Variants in CLCN7 observed in about 807,000 individuals in gnomAD.
The protein encoded by CLCN7 is Cl-/H+ antiporter 7.
CLCN7 carries 60 observed loss-of-function variants against 102.1 expected under a neutral mutation model. That is an observed-to-expected ratio of 0.59 (90% CI 0.48 to 0.73). The LOEUF is 0.73. Among genes scored for constraint, CLCN7 ranks in the 30% least tolerant of loss-of-function variants. CLCN7 has a pLI of 0.00. For synonymous variants in CLCN7, 560 were observed against 490.5 expected, an observed-to-expected ratio of 1.14 and a Z score of -1.87; for missense variants, 962 against 1,125.7, an observed-to-expected ratio of 0.85 and a Z score of 2.08.
rs956317489 is a variant in CLCN7, at chr16:1,448,756, T to C, written c.1808A>G (p.Asp603Gly). The change falls in exon 20 of 25, where the codon GAC becomes GGC. Residue 603 changes from aspartate (D) to glycine (G), a missense_variant. Asp to Gly is a moderately conservative substitution (Grantham distance 94). Coordinates refer to ENST00000382745, the MANE Select transcript of CLCN7 (RefSeq NM_001287.6). ...CACACTCTGCAGCTGAATGTGCATG[T>C]CGTACAGGCCCTGCGGGCGGGGCGG... ...VGDVFIEGLY[D>G]MHIQLQSVPF... is the part of the protein sequence containing the mutation. 3.1e-6 allele frequency: 5 copies of C among 1,612,048 alleles called. No homozygotes were observed. Among genetic ancestry groups the C allele is most frequent in the Non-Finnish European group, 4.2e-6 (5 of 1,179,918 alleles).
At chr16:1,460,569 C>T (rs1424912291) in intron 5 of CLCN7, 42 bp from the exon 6 acceptor site, 6 of 1,484,958 alleles carry the variant, frequency 4.0e-6, no homozygotes, top group Non-Finnish European at 5.6e-6. Context: ...CCCGTCATGA[C>T]CACCCAGCCC....
rs1462607637 is a variant in CLCN7 at position 1,460,402 on chromosome 16, G to A, written c.594+16C>T. On this transcript the variant is annotated intron_variant, in intron 6 of 24. Coordinates refer to ENST00000382745, the MANE Select transcript of CLCN7 (RefSeq NM_001287.6). ...CTTCATGGGGTCCGCCATAGCTGCG[G>A]CATCCTGCCACCCACCTCTATGAAA... 4.4e-6 allele frequency: 7 copies of A among 1,590,928 alleles called. No individual in the cohort carries two copies. The highest frequency in any genetic ancestry group is 3.3e-5 in the South Asian group (3 of 90,670).
chr16:1,454,623 C>G (rs940783861), intron 12 of CLCN7, among the ~76,000 whole-genome samples, 158 bp from the exon 13 acceptor site: 32 of 152,366 alleles, frequency 2.1e-4, no homozygotes, highest in African/African-American at 7.5e-4. Flanking sequence ...GAGAAACACA[C>G]TGGGTGTTCT....
At position 1,446,729 on chromosome 16, in the gene CLCN7, G is replaced by A. The variant is rs915518231; in HGVS notation, c.2332-12C>T. On this transcript the variant is annotated splice_polypyrimidine_tract_variant and intron_variant, in intron 24 of 24. Coordinates refer to ENST00000382745, the MANE Select transcript of CLCN7 (RefSeq NM_001287.6). ...ACCAACCCGACAACCTGCAGGACAA[G>A]TCCAGGCCACAGTGACACACGGGTC... 6.4e-7 allele frequency: 1 copy of A among 1,571,872 alleles called. No homozygotes were observed. The highest frequency in any genetic ancestry group is 8.6e-7 in the Non-Finnish European group (1 of 1,157,706).
intron 2 of CLCN7, among the ~76,000 whole-genome samples, chr16:1,463,370 C>T (rs1391183279): frequency 2.0e-5 from 3 of 152,130 alleles, no homozygotes; most frequent in African/African-American, 4.8e-5. Context: ...GTGTGATGCA[C>T]CTGTGGTCCC....
intron 2 of CLCN7, among the ~76,000 whole-genome samples, chr16:1,464,463 G>C (rs115265613): frequency 0.014 from 2,102 of 152,388 alleles, 54 homozygotes; most frequent in African/African-American, 0.047. Context: ...TGTGGCTCCA[G>C]AGGCAGCACA....
rs967426450 is a variant in CLCN7 at position 1,446,082 on chromosome 16, G to A, written c.*549C>T. On this transcript the variant is annotated 3_prime_UTR_variant, in exon 25 of 25. Coordinates refer to ENST00000382745, the MANE Select transcript of CLCN7 (RefSeq NM_001287.6). The stretch of plus-strand genomic sequence containing the variant: ...CGCCAGTGTGAAGCTGCTCTCCGGG[G>A]CGGTCGCAGCCTCCAAACCCTGGTG... The A allele has an allele frequency of 1.7e-6, 1 of 590,780 alleles. No individual in the cohort carries two copies. The highest frequency in any genetic ancestry group is 1.9e-5 in the African/African-American group (1 of 53,632). 36.6% of individuals were successfully genotyped at this position (590,780 alleles called of 1,614,324 possible).
chr16:1,461,634 T>C lies in CLCN7; in HGVS notation c.254A>G (p.His85Arg), dbSNP rs1307399643. The C allele has an allele frequency of 6.2e-7, 1 of 1,614,056 alleles. No individual in the cohort carries two copies. The highest frequency in any genetic ancestry group is 1.3e-5 in the African/African-American group (1 of 74,976). Reference protein sequence around the residue: ...PPHPFPKEIPHNEKLLSLKYE... With the variant: ...PPHPFPKEIPRNEKLLSLKYE... ...CTTGAGGGACAGGAGCTTCTCGTTG[T>C]GTGGGATCTCCTTGGGGAAGGGATG... The change falls in exon 3 of 25, where the codon CAC becomes CGC. Residue 85 changes from histidine to arginine, a missense_variant. His to Arg is a conservative substitution (Grantham distance 29). Transcript: ENST00000382745.
chr16:1,467,599 AT>A (rs1474123145), intron 1 of CLCN7: 1 of 152,332 alleles, frequency 6.6e-6, no homozygotes, highest in African/African-American at 2.4e-5. Context: ...AGGTGCCCCG[AT>A]GCCCCAAACA....
chr16:1,446,915 G>A (rs183525343), intron 24 of CLCN7, 91 bp downstream of exon 24: 47 of 1,282,850 alleles, frequency 3.7e-5, no homozygotes, highest in East Asian at 1.0e-4. Context: ...CTGTGCTTCC[G>A]TGTCCCCTGC....
intron 15 of CLCN7, 78 bp downstream of exon 15, chr16:1,452,677 C>G: frequency 6.7e-7 from 1 of 1,483,980 alleles, no homozygotes; most frequent in Non-Finnish European, 9.1e-7. Context: ...GCCCTCCTCC[C>G]GTAGCCTAAG....
rs972551439 is a variant in CLCN7 at position 1,470,468 on chromosome 16, C to T, written c.141+4366G>A. Among the ~76,000 whole-genome samples, 11 of 152,174 alleles carry T rather than the reference C, an allele frequency of 7.2e-5. No individual in the cohort carries two copies. In the East Asian group the frequency reaches 7.7e-4, roughly 11 times the overall value. On this transcript the variant is annotated intron_variant, in intron 1 of 24. Transcript: ENST00000382745. ...CACAGAGGATACAGCAGCTGCCCCG[C>T]GGGGGGATGGGGGTTACAGTCAAAG... is the stretch of plus-strand genomic sequence containing the variant.
At chr16:1,463,832 T>C (rs2038971111) in intron 2 of CLCN7, among the ~76,000 whole-genome samples, 1 of 151,762 alleles carries the variant, frequency 6.6e-6, no homozygotes, top group Non-Finnish European at 1.5e-5. Context: ...TGAAGTGCAG[T>C]GGCACCATCT....
Position 1,448,959 on chromosome 16 carries a change from G to A in CLCN7, c.1797+7C>T, listed in dbSNP as rs1402717172. On this transcript the variant is annotated splice_region_variant and intron_variant, in intron 19 of 24. Transcript: ENST00000382745. ...TCTCAGGGTGAGGCTTCGAGGCCCT[G>A]GCGCACCTCAATGAAGACGTCGCCC... is the stretch of plus-strand genomic sequence containing the variant. The A allele has an allele frequency of 3.7e-6, 6 of 1,612,148 alleles. No individual in the cohort carries two copies. Among genetic ancestry groups the A allele is most frequent in the Non-Finnish European group, 5.1e-6 (6 of 1,179,988 alleles).
intron 2 of CLCN7, 28 bp downstream of exon 2, chr16:1,465,239 G>C: frequency 6.2e-7 from 1 of 1,602,728 alleles, no homozygotes; most frequent in Non-Finnish European, 8.5e-7. Flanking sequence ...CTAGCTCTGC[G>C]GGAGGACGGG....
intron 14 of CLCN7, 116 bp downstream of exon 14, chr16:1,453,718 A>G (rs2038789743): frequency 1.0e-6 from 1 of 991,760 alleles, no homozygotes; most frequent in Non-Finnish European, 1.6e-6. Flanking sequence ...CGCTGCATAC[A>G]CAGCCTTTCT....
intron 13 of CLCN7, 42 bp from the exon 14 acceptor site, chr16:1,453,936 A>C: frequency 6.2e-7 from 1 of 1,603,342 alleles, no homozygotes; most frequent in Non-Finnish European, 8.5e-7. Flanking sequence ...CCGGAGGAAA[A>C]GTGCGGGCCT....
chr16:1,458,615 G>C (rs2038876661), intron 7 of CLCN7, among the ~76,000 whole-genome samples: 1 of 152,220 alleles, frequency 6.6e-6, no homozygotes, highest in Non-Finnish European at 1.5e-5. Context: ...GACGGGACGG[G>C]GCTGCGGCAA....
chr16:1,452,405 C>A (rs756036709), intron 15 of CLCN7: 4 of 342,410 alleles, frequency 1.2e-5, no homozygotes, highest in African/African-American at 4.2e-5. Flanking sequence ...GCCGTGAGCG[C>A]CAGGCACAGG....
Sources: allele counts gnomAD v4.1 joint callset (sites outside exome capture counted in the v4.1 genomes callset), GRCh38; gene constraint gnomAD v4.1.1; transcripts MANE v1.5; gene names NCBI Gene and HGNC (gene_info 2026-07-23, HGNC 2026-07-21).